FNIP1: variants seen among roughly 807,000 people sequenced by gnomAD.
FNIP1 encodes folliculin interacting protein 1.
Under a neutral mutation model 124.5 loss-of-function variants are expected in FNIP1, and 40 were observed. The observed-to-expected ratio is 0.32, with a 90% CI of 0.25 to 0.42. The LOEUF (loss-of-function observed/expected upper bound fraction) is 0.42. Among genes scored for constraint, FNIP1 ranks in the 10% least tolerant of loss-of-function variants. The pLI, the probability that FNIP1 is intolerant of heterozygous loss-of-function variation, is 1.00. For synonymous variants in FNIP1, 472 were observed against 470.6 expected (o/e 1.00, Z -0.04); for missense variants, 1,176 against 1,403.7 (o/e 0.84, Z 2.59).
intron 11 of FNIP1, among the ~76,000 whole-genome samples, chr5:131,693,315 T>TATATATATACATATATATATATAC (rs1342813078): frequency 5.2e-5 from 1 of 19,104 alleles, no homozygotes; most frequent in African/African-American, 1.4e-4. Flanking sequence ...TATATATATA[T>TATATATATACATATATATATATAC]ACACATATAT....
At chr5:131,693,128 T>A (rs1768537921) in intron 11 of FNIP1, among the ~76,000 whole-genome samples, 2 of 150,868 alleles carry the variant, frequency 1.3e-5, no homozygotes, top group South Asian at 4.2e-4. Flanking sequence ...TTTAAGTCTT[T>A]TAATGACAAA....
At chr5:131,698,650 C>T (rs891039369) in intron 11 of FNIP1, among the ~76,000 whole-genome samples, 1 of 152,138 alleles carries the variant, frequency 6.6e-6, no homozygotes, top group Non-Finnish European at 1.5e-5. Context: ...ACAAAGCATA[C>T]TTTTGCTAGA....
chr5:131,695,185 A>G (rs1320261776), intron 11 of FNIP1, among the ~76,000 whole-genome samples: 1 of 152,158 alleles, frequency 6.6e-6, no homozygotes, highest in Non-Finnish European at 1.5e-5. Context: ...TAGGTTGGGG[A>G]AGAGGGCTAT....
intron 1 of FNIP1, among the ~76,000 whole-genome samples, chr5:131,771,011 A>C (rs942271693): frequency 1.3e-5 from 2 of 152,268 alleles, no homozygotes; most frequent in Admixed American, 6.5e-5. Context: ...ATACGTATAC[A>C]TGTGCCATGC....
chr5:131,679,591 TCCA>T (rs1768011796), intron 11 of FNIP1, among the ~76,000 whole-genome samples: 1 of 152,220 alleles, frequency 6.6e-6, no homozygotes, highest in Non-Finnish European at 1.5e-5. Context: ...TAACAGCTTA[TCCA>T]TCTACCCACT....
At chr5:131,731,455 A>T (rs1163088421) in intron 2 of FNIP1, among the ~76,000 whole-genome samples, 1 of 152,108 alleles carries the variant, frequency 6.6e-6, no homozygotes, top group East Asian at 1.9e-4. Flanking sequence ...GGAGTTCAAG[A>T]CCAGCCCGAC....
At chr5:131,790,504 G>T (rs955266632) in intron 1 of FNIP1, among the ~76,000 whole-genome samples, 1 of 80,706 alleles carries the variant, frequency 1.2e-5, no homozygotes, top group African/African-American at 3.6e-5. Flanking sequence ...AAAAAAAAAG[G>T]CACCTACTTA....
intron 16 of FNIP1, 147 bp from the exon 17 acceptor site, chr5:131,647,352 G>GT: frequency 1.8e-6 from 1 of 543,912 alleles, no homozygotes. Flanking sequence ...AAAGTATGTA[G>GT]TTTTAGCTAA....
chr5:131,711,880 C>T (rs547933995), intron 6 of FNIP1, among the ~76,000 whole-genome samples: 4 of 152,308 alleles, frequency 2.6e-5, no homozygotes, highest in African/African-American at 2.4e-5. Context: ...GCAATCCTTC[C>T]ATGTCTCAAT....
In FNIP1 at chr5:131,677,759, T is replaced by G; in HGVS notation, c.1463A>C (p.Gln488Pro). ...IKIFLEKHSS[Q>P]SVDMLAKTHP... is the part of the protein sequence containing the mutation. ...AGTCTTTGCCAACATGTCCACACTCTGAGAGGAATGCTTTTCTAAAAATAT... is the reference window on the plus strand; with the variant it reads ...AGTCTTTGCCAACATGTCCACACTCGGAGAGGAATGCTTTTCTAAAAATAT... Residue 488 changes from glutamine (Q) to proline (P), a missense_variant, in exon 13 of 18, where the codon CAG (glutamine) becomes CCG (proline). Gln to Pro is a moderately conservative substitution (Grantham distance 76). Transcript: ENST00000510461. 6.2e-7 allele frequency: 1 copy of G among 1,614,136 alleles called. No homozygotes were observed. Among genetic ancestry groups the G allele is most frequent in the Non-Finnish European group, 8.5e-7 (1 of 1,179,996 alleles).
rs1772601176 is a variant in FNIP1, at chr5:131,796,521, ACC to A, written c.92+307_92+308del. On this transcript the variant is annotated intron_variant, in intron 1 of 17. Coordinates refer to ENST00000510461, the MANE Select transcript of FNIP1 (RefSeq NM_133372.3). ...TACTCGGTGCCAGGAAGGCGTGTGG[ACC>A]CAAAGTCTCAGGCCGCGGTGCTAGG... 3 of 404,046 alleles carry A rather than the reference ACC, an allele frequency of 7.4e-6. No homozygotes were observed. In the South Asian group the frequency reaches 1.2e-4, roughly 16 times the overall value. 25.0% of individuals were successfully genotyped at this position (404,046 alleles called of 1,614,324 possible).
intron 15 of FNIP1, among the ~76,000 whole-genome samples, chr5:131,657,137 G>C (rs1767218953): frequency 6.7e-6 from 1 of 150,350 alleles, no homozygotes; most frequent in Non-Finnish European, 1.5e-5. Context: ...TCAAGTAGCT[G>C]GGACTACAGG....
At chr5:131,705,808 G>A (rs868681160) in intron 9 of FNIP1, among the ~76,000 whole-genome samples, 91 of 152,014 alleles carry the variant, frequency 6.0e-4, no homozygotes, top group African/African-American at 2.1e-3. Context: ...TGTTCAGAGC[G>A]GCATTATTCA....
chr5:131,754,247 A>G (rs1377305227), intron 1 of FNIP1, among the ~76,000 whole-genome samples: 1 of 152,254 alleles, frequency 6.6e-6, no homozygotes, highest in Admixed American at 6.5e-5. Context: ...AAAGATAGCC[A>G]TACCATGAAA....
intron 16 of FNIP1, among the ~76,000 whole-genome samples, chr5:131,651,427 C>T (rs1767036107): frequency 6.6e-6 from 1 of 152,134 alleles, no homozygotes; most frequent in African/African-American, 2.4e-5. Flanking sequence ...TTTATTTTCT[C>T]ACAGTTCTGG....
intron 6 of FNIP1, among the ~76,000 whole-genome samples, chr5:131,716,183 T>A (rs1314486146): frequency 6.6e-6 from 1 of 152,222 alleles, no homozygotes; most frequent in African/African-American, 2.4e-5. Flanking sequence ...AAATAACTTT[T>A]ATGGTTATGG....
chr5:131,729,374 T>C (rs969596812), intron 3 of FNIP1, among the ~76,000 whole-genome samples: 1 of 152,218 alleles, frequency 6.6e-6, no homozygotes, highest in Non-Finnish European at 1.5e-5. Context: ...CTTTCAGAGA[T>C]GCCCTGCCCA....
chr5:131,657,088 C>G (rs182038251), intron 15 of FNIP1, among the ~76,000 whole-genome samples: 282 of 148,260 alleles, frequency 1.9e-3, no homozygotes, highest in Middle Eastern at 0.014. Flanking sequence ...ACTGCAACCT[C>G]CAACTCCCAG....
At chr5:131,744,731 T>C (rs751476850) in intron 1 of FNIP1, 41 bp from the exon 2 acceptor site, 4 of 1,535,666 alleles carry the variant, frequency 2.6e-6, no homozygotes, top group East Asian at 2.4e-5. Context: ...CCATTAGAGT[T>C]ACATTAATAA....
Sources: gnomAD v4.1 joint callset for allele counts (sites outside exome capture counted in the v4.1 genomes callset) on GRCh38, gnomAD v4.1.1 for gene constraint, MANE v1.5 for transcripts, NCBI Gene and HGNC (gene_info 2026-07-23, HGNC 2026-07-21) for gene names.